PLXNA4: variants seen among roughly 807,000 people sequenced by gnomAD.
PLXNA4 encodes the protein plexin A4.
PLXNA4 carries 44 observed loss-of-function variants against 191.8 expected under a neutral mutation model. The ratio of observed to expected loss-of-function variants is 0.23; its 90% CI spans 0.18 to 0.29. The LOEUF is 0.29. Ranked by LOEUF, PLXNA4 falls within the 10% of genes least tolerant of loss-of-function variation. The probability of loss-of-function intolerance (pLI) is 1.00; values close to 1 mark genes in which losing one functional copy is unlikely to be tolerated. For missense variants in PLXNA4, 1,800 were observed against 2,488.8 expected (o/e 0.72, Z 5.89); for synonymous variants, 1,082 against 1,009.5 (o/e 1.07, Z -1.36).
Position 132,174,762 on chromosome 7 carries a change from G to A in PLXNA4, c.4017+16C>T. The A allele has an allele frequency of 6.2e-7, 1 of 1,612,918 alleles. No homozygotes were observed. Among genetic ancestry groups the A allele is most frequent in the Non-Finnish European group, 8.5e-7 (1 of 1,178,992 alleles). ...GCTCCCCTGCTCTAATGCCAGGATG[G>A]AGCACTGCTTCTCACCTCAAGGTCC... On this transcript the variant is annotated intron_variant, in intron 21 of 31. Coordinates refer to ENST00000321063, the MANE Select transcript of PLXNA4 (RefSeq NM_020911.2).
At chr7:132,526,813 T>C (rs1304974204) in intron 1 of PLXNA4, among the ~76,000 whole-genome samples, 1 of 152,170 alleles carries the variant, frequency 6.6e-6, no homozygotes, top group Non-Finnish European at 1.5e-5. Context: ...GACAGGGCCC[T>C]CCCATCCCTC....
chr7:132,282,774 TTAGAGTTTGGTCTCTGGTATTC>T lies in PLXNA4; in HGVS notation c.1503+15295_1503+15316del, dbSNP rs1214438453. On this transcript the variant is annotated intron_variant, in intron 4 of 31. Transcript: ENST00000321063. The stretch of plus-strand genomic sequence containing the variant: ...AAGAGGCAAAAGGGAGCTCAGTGTT[TTAGAGTTTGGTCTCTGGTATTC>T]TGGAGCAAAACAGTAAATAAGTAGC... Among the ~76,000 whole-genome samples the T allele has an allele frequency of 2.0e-5, 3 of 152,116 alleles. No homozygotes were observed. In the East Asian group the frequency reaches 5.8e-4, roughly 29 times the overall value.
intron 3 of PLXNA4, among the ~76,000 whole-genome samples, chr7:132,368,340 A>T (rs1804279419): frequency 1.3e-5 from 2 of 152,166 alleles, no homozygotes; most frequent in African/African-American, 4.8e-5. Flanking sequence ...ACAAGGAGAC[A>T]TGGGGGAAGA....
In PLXNA4 at chr7:132,507,923, C is replaced by G; in HGVS notation, c.771G>C (p.Leu257Phe). The G allele has an allele frequency of 6.2e-7, 1 of 1,614,088 alleles. No individual in the cohort carries two copies. Among genetic ancestry groups the G allele is most frequent in the Non-Finnish European group, 8.5e-7 (1 of 1,180,030 alleles). Residue 257 changes from leucine to phenylalanine, a missense_variant, in exon 2 of 32, where the codon TTG becomes TTC. Leu to Phe is a conservative substitution (Grantham distance 22). This residue lies in a region of PLXNA4 where 1,397 missense variants were observed against 1,880.4 expected (regional missense o/e 0.74). Coordinates refer to ENST00000321063, the MANE Select transcript of PLXNA4 (RefSeq NM_020911.2). ...GFSSGNFVYF[L>F]TLQPEMVSPP... ...GAGACACCATCTCAGGTTGGAGGGTCAAAAAGTAGACAAAGTTGCCACTGC... is the reference window on the plus strand; with the variant it reads ...GAGACACCATCTCAGGTTGGAGGGTGAAAAAGTAGACAAAGTTGCCACTGC...
At chr7:132,484,499 C>T (rs1269798802) in intron 3 of PLXNA4, among the ~76,000 whole-genome samples, 1 of 152,180 alleles carries the variant, frequency 6.6e-6, no homozygotes, top group Non-Finnish European at 1.5e-5. Flanking sequence ...CACAATATAG[C>T]AAATAGAGGG....
At chr7:132,277,893 T>C (rs906065806) in intron 4 of PLXNA4, among the ~76,000 whole-genome samples, 9 of 152,188 alleles carry the variant, frequency 5.9e-5, no homozygotes, top group African/African-American at 2.2e-4. Flanking sequence ...ACCACACATG[T>C]AAATGAATGG....
intron 6 of PLXNA4, 24 bp downstream of exon 6, chr7:132,228,322 C>T (rs777165149): frequency 2.5e-6 from 4 of 1,613,568 alleles, no homozygotes; most frequent in South Asian, 2.2e-5. Flanking sequence ...CCCTGGACCC[C>T]ACCCCAACCC....
At chr7:132,452,184 G>A (rs1215932246) in intron 3 of PLXNA4, among the ~76,000 whole-genome samples, 2 of 152,210 alleles carry the variant, frequency 1.3e-5, no homozygotes, top group African/African-American at 4.8e-5. Flanking sequence ...TAATTCCAAA[G>A]GAAATCAAAA....
chr7:132,354,571 G>C (rs914978360), intron 3 of PLXNA4, among the ~76,000 whole-genome samples: 1 of 152,196 alleles, frequency 6.6e-6, no homozygotes, highest in Non-Finnish European at 1.5e-5. Context: ...GTAGGGGCAG[G>C]CTTCTTGGTG....
intron 3 of PLXNA4, among the ~76,000 whole-genome samples, chr7:132,447,077 C>T (rs1795938566): frequency 2.0e-5 from 3 of 152,202 alleles, no homozygotes; most frequent in African/African-American, 4.8e-5. Flanking sequence ...GCCCTCCTGA[C>T]ATCTGAAATT....
At chr7:132,283,422 T>C (rs868093578) in intron 4 of PLXNA4, among the ~76,000 whole-genome samples, 1 of 152,144 alleles carries the variant, frequency 6.6e-6, no homozygotes, top group Admixed American at 6.5e-5. Flanking sequence ...AGACCTAGGA[T>C]AGAGAGATAC....
chr7:132,294,900 G>A (rs1480221574), intron 4 of PLXNA4, among the ~76,000 whole-genome samples: 1 of 152,174 alleles, frequency 6.6e-6, no homozygotes, highest in Non-Finnish European at 1.5e-5. Flanking sequence ...GCAAGCCAGG[G>A]AGAGAGGCCT....
At chr7:132,266,321 T>C (rs747388209) in intron 4 of PLXNA4, 3 of 152,248 alleles carry the variant, frequency 2.0e-5, no homozygotes, top group Non-Finnish European at 4.4e-5. Context: ...AACATTACTG[T>C]GAAGTTGAAA....
chr7:132,449,948 G>A (rs1353998963), intron 3 of PLXNA4, among the ~76,000 whole-genome samples: 1 of 152,218 alleles, frequency 6.6e-6, no homozygotes, highest in Non-Finnish European at 1.5e-5. Context: ...GGCTGTGACA[G>A]TCCCCCTGGG....
At chr7:132,554,975 G>A (rs574030215) in intron 1 of PLXNA4, among the ~76,000 whole-genome samples, 136 of 147,422 alleles carry the variant, frequency 9.2e-4, no homozygotes, top group Middle Eastern at 7.1e-3. Flanking sequence ...GTTAGCCACT[G>A]CTTTGAGCCA....
chr7:132,638,976 C>T (rs1803662916), intron 2 of PLXNA4, among the ~76,000 whole-genome samples: 1 of 152,182 alleles, frequency 6.6e-6, no homozygotes. Context: ...TCAGGAATTA[C>T]ACCCACGTGT....
chr7:132,638,391 C>T (rs1585422065), intron 2 of PLXNA4, among the ~76,000 whole-genome samples: 1 of 152,336 alleles, frequency 6.6e-6, no homozygotes, highest in African/African-American at 2.4e-5. Context: ...GTGGCTCACG[C>T]CTGTAATCCC....
intron 4 of PLXNA4, among the ~76,000 whole-genome samples, chr7:132,256,687 C>T (rs1412056935): frequency 6.6e-6 from 1 of 152,170 alleles, no homozygotes; most frequent in African/African-American, 2.4e-5. Context: ...ATCAAAATTC[C>T]CAGGAGCTGG....
chr7:132,202,812 A>G lies in PLXNA4; in HGVS notation c.2420T>C (p.Met807Thr). 2 of 1,599,944 alleles carry G rather than the reference A, an allele frequency of 1.3e-6. No homozygotes were observed. Among genetic ancestry groups the G allele is most frequent in the Non-Finnish European group, 1.7e-6 (2 of 1,173,180 alleles). Residue 807 changes from methionine (M) to threonine (T), a missense_variant, in exon 12 of 32, where the codon ATG (methionine) becomes ACG (threonine). Around this residue, in one of 6 missense-constraint regions of PLXNA4, gnomAD observed 1,397 missense variants for 1,880.4 expected, o/e 0.74. Transcript: ENST00000321063. ...GAGGCACAGCCCGCAGCTCTCACGC[A>G]TGGCTCCACACTTGTAGAGGTGAAC... Reference protein sequence around the residue: ...NKVHLYKCGAMRESCGLCLKA... With the variant: ...NKVHLYKCGATRESCGLCLKA...
Sources: allele counts gnomAD v4.1 joint callset (sites outside exome capture counted in the v4.1 genomes callset), GRCh38; gene constraint gnomAD v4.1.1; regional missense constraint gnomAD v4.1.1; transcripts MANE v1.5; gene names NCBI Gene and HGNC (gene_info 2026-07-23, HGNC 2026-07-21).